DDX50: variants seen among roughly 807,000 people sequenced by gnomAD.
DDX50 encodes ATP-dependent RNA helicase DDX50.
Under a neutral mutation model 94.8 loss-of-function variants are expected in DDX50, and 56 were observed. The ratio of observed to expected loss-of-function variants is 0.59; its 90% CI spans 0.48 to 0.74. The LOEUF is 0.74. Among genes scored for constraint, DDX50 ranks in the 30% least tolerant of loss-of-function variants. The pLI, the probability that DDX50 is intolerant of heterozygous loss-of-function variation, is 0.00. For synonymous variants in DDX50, 264 were observed against 295.4 expected, an observed-to-expected ratio of 0.89 and a Z score of 1.09; for missense variants, 713 against 881.2, an observed-to-expected ratio of 0.81 and a Z score of 2.42.
At chr10:68,914,386 GA>G (rs1011212180) in intron 7 of DDX50, among the ~76,000 whole-genome samples, 182 bp downstream of exon 7, 5 of 151,954 alleles carry the variant, frequency 3.3e-5, no homozygotes, top group South Asian at 4.2e-4. Context: ...TAAATAGGGG[GA>G]AAAAAAGCAC....
At chr10:68,926,671 G>A (rs75832254) in intron 8 of DDX50, among the ~76,000 whole-genome samples, 8,725 of 151,914 alleles carry the variant, frequency 0.057, 308 homozygotes, top group Middle Eastern at 0.11. Flanking sequence ...TCAGGAGGTT[G>A]GGGCGGGAGA....
chr10:68,931,432 A>C (rs7901664), intron 8 of DDX50, among the ~76,000 whole-genome samples: 15,715 of 61,652 alleles, frequency 0.25, 2,362 homozygotes, highest in Middle Eastern at 0.31. Context: ...TATATACACA[A>C]ACACACACAC....
intron 8 of DDX50, among the ~76,000 whole-genome samples, chr10:68,921,225 ATATT>A (rs1274775816): frequency 6.6e-6 from 1 of 152,042 alleles, no homozygotes; most frequent in African/African-American, 2.4e-5. Context: ...TAAAAAATTA[ATATT>A]TAGAAATATT....
chr10:68,919,918 T>TA lies in DDX50; in HGVS notation c.1177dup (p.Ile393AsnfsTer5). On this transcript the variant is annotated frameshift_variant, in exon 8 of 15. Transcript: ENST00000373585. LOFTEE classifies it high-confidence loss of function. ...TCTACAGTGGGTCTGAAGGGAGGGCTATTATTTTCTGTGAGACCAAGAAGA... is the reference window on the plus strand; with the variant it reads ...TCTACAGTGGGTCTGAAGGGAGGGCTAATTATTTTCTGTGAGACCAAGAAGA... 2 of 1,614,190 alleles carry TA rather than the reference T, an allele frequency of 1.2e-6. No individual in the cohort carries two copies. The highest frequency in any genetic ancestry group is 1.7e-6 in the Non-Finnish European group (2 of 1,180,000).
intron 8 of DDX50, 113 bp downstream of exon 8, chr10:68,920,094 G>A (rs1841901487): frequency 1.5e-6 from 2 of 1,326,296 alleles, no homozygotes; most frequent in Non-Finnish European, 2.1e-6. Flanking sequence ...AAACTGAGTT[G>A]TAAGGCTGGG....
chr10:68,932,981 G>A (rs1842309616), intron 8 of DDX50, among the ~76,000 whole-genome samples: 1 of 151,748 alleles, frequency 6.6e-6, no homozygotes, highest in South Asian at 2.1e-4. Context: ...TTCTAGATAT[G>A]TATCCTACTG....
intron 1 of DDX50, among the ~76,000 whole-genome samples, chr10:68,905,411 C>G (rs1010592769): frequency 2.7e-5 from 4 of 150,180 alleles, no homozygotes; most frequent in African/African-American, 4.9e-5. Flanking sequence ...AATTGGACTT[C>G]TATATGAATT....
chr10:68,936,831 G>T, intron 11 of DDX50, 105 bp from the exon 12 acceptor site: 1 of 1,176,566 alleles, frequency 8.5e-7, no homozygotes, highest in Non-Finnish European at 1.2e-6. Context: ...ACAGAGCAAG[G>T]CTCTATCTCA....
chr10:68,910,424 ACAGAG>A (rs1452351980), intron 3 of DDX50, 42 bp downstream of exon 3: 1 of 1,533,390 alleles, frequency 6.5e-7, no homozygotes, highest in Non-Finnish European at 8.9e-7. Context: ...TTGTTTTGAG[ACAGAG>A]CCTCGCTCTG....
At chr10:68,903,434 G>A (rs1197943345) in intron 1 of DDX50, among the ~76,000 whole-genome samples, 1 of 152,024 alleles carries the variant, frequency 6.6e-6, no homozygotes, top group Non-Finnish European at 1.5e-5. Flanking sequence ...TTGGGAGGCT[G>A]AGGCGGGTGG....
Position 68,929,175 on chromosome 10 carries a change from G to T in DDX50, c.1240-5024G>T, listed in dbSNP as rs1229424972. On this transcript the variant is annotated intron_variant, in intron 8 of 14. Coordinates refer to ENST00000373585, the MANE Select transcript of DDX50 (RefSeq NM_024045.2). ...TTGGCCAGGCTGGTCTGGAACTCCT[G>T]ACCTCAAGCGGTCCACCCACCTCCG... is the stretch of plus-strand genomic sequence containing the variant. Among the ~76,000 whole-genome samples the T allele has an allele frequency of 3.9e-5, 6 of 151,968 alleles. No individual in the cohort carries two copies. In the East Asian group the frequency reaches 1.2e-3, roughly 29 times the overall value.
In DDX50 at chr10:68,918,587, G is replaced by T. The variant is rs377211519; in HGVS notation, c.1090-1245G>T. 5.3e-5 allele frequency among the ~76,000 whole-genome samples: 8 copies of T among 151,434 alleles called. No individual in the cohort carries two copies. The East Asian group carries it at 1.2e-3, about 22-fold the overall frequency. On this transcript the variant is annotated intron_variant, in intron 7 of 14. Transcript: ENST00000373585. ...AGTAGCTGGGACTACAGGTGCCCAT[G>T]ACTAAGTTTTTGTATTTTTAGTAGA...
chr10:68,901,715 G>A (rs530103814), intron 1 of DDX50, among the ~76,000 whole-genome samples: 2 of 152,324 alleles, frequency 1.3e-5, no homozygotes, highest in South Asian at 4.1e-4. Flanking sequence ...CTTCCCGTTG[G>A]CGCCTGAATC....
In DDX50 at chr10:68,906,861, A is replaced by G. The variant is rs2132021228; in HGVS notation, c.238A>G (p.Arg80Gly). ...TGGAGACACTGAAGAAGGATTTAAT[A>G]GACTTTCAGATGAATTCTCCAAATC... ...LNGDTEEGFN[R>G]LSDEFSKSHK... Residue 80 changes from arginine to glycine, a missense_variant, in exon 2 of 15, where the codon AGA (arginine) becomes GGA (glycine). Transcript: ENST00000373585. The G allele has an allele frequency of 6.2e-7, 1 of 1,613,200 alleles. No homozygotes were observed. The highest frequency in any genetic ancestry group is 8.5e-7 in the Non-Finnish European group (1 of 1,179,886).
rs370604406 is a variant in DDX50 at position 68,946,420 on chromosome 10, T to C, written c.2004T>C (p.Tyr668=). 8 of 1,614,138 alleles carry C rather than the reference T, an allele frequency of 5.0e-6. No individual in the cohort carries two copies. Among genetic ancestry groups the C allele is most frequent in the Non-Finnish European group, 6.8e-6 (8 of 1,180,062 alleles). ...PAKLPEIEEY[Y]DGNTSSNSRQ... ...AATTACCTGAAATTGAAGAATATTA[T>C]GATGGAAACACATCTTCTAATTCCA... The change falls in exon 15 of 15, where the codon TAT becomes TAC. Residue 668 remains tyrosine, a synonymous_variant. Coordinates refer to ENST00000373585, the MANE Select transcript of DDX50 (RefSeq NM_024045.2).
At position 68,906,706 on chromosome 10, in the gene DDX50, C is replaced by G. The variant is rs1435657269; in HGVS notation, c.88-5C>G. On this transcript the variant is annotated splice_region_variant and splice_polypyrimidine_tract_variant and intron_variant, in intron 1 of 14. Coordinates refer to ENST00000373585, the MANE Select transcript of DDX50 (RefSeq NM_024045.2). ...TCTTGTCATTGCTTCTTTGTTTGTT[C>G]ACAGAGTGACAGAAGGAAGTCAAGG... is the stretch of plus-strand genomic sequence containing the variant. 6.2e-7 allele frequency: 1 copy of G among 1,601,752 alleles called. No homozygotes were observed. The highest frequency in any genetic ancestry group is 1.7e-4 in the Middle Eastern group (1 of 6,024).
At chr10:68,915,209 C>T (rs1048471517) in intron 7 of DDX50, among the ~76,000 whole-genome samples, 3 of 151,266 alleles carry the variant, frequency 2.0e-5, no homozygotes, top group Admixed American at 6.6e-5. Flanking sequence ...GTCAGGAGAT[C>T]GAGACCATCC....
At chr10:68,911,329 C>A (rs1181839444) in intron 4 of DDX50, 83 bp downstream of exon 4, 7 of 1,366,898 alleles carry the variant, frequency 5.1e-6, no homozygotes, top group East Asian at 2.4e-5. Flanking sequence ...AGTTCTAGTA[C>A]CCCCAAAATA....
Position 68,931,432 on chromosome 10 carries a change from A to ACACACACACACACACACACACAC in DDX50, c.1240-2767_1240-2766insCACACACACACACACACACACAC, listed in dbSNP as rs1261998646. Among the ~76,000 whole-genome samples the ACACACACACACACACACACACAC allele has an allele frequency of 5.5e-4, 34 of 61,492 alleles. 1 individual carries two copies. The highest frequency in any genetic ancestry group is 2.3e-3 in the African/African-American group (33 of 14,362). 40.3% of individuals were successfully genotyped at this position (61,492 alleles called of 152,430 possible). A position where few individuals can be genotyped will look rare whatever the true frequency, so the allele number is the denominator to read the frequency against. ...ATATGTATATATATATATATACACA[A>ACACACACACACACACACACACAC]ACACACACACACACAATTTTTTTTT... On this transcript the variant is annotated intron_variant, in intron 8 of 14. Transcript: ENST00000373585.
Sources: gnomAD v4.1 joint callset for allele counts (sites outside exome capture counted in the v4.1 genomes callset) on GRCh38, gnomAD v4.1.1 for gene constraint, MANE v1.5 for transcripts, NCBI Gene and HGNC (gene_info 2026-07-23, HGNC 2026-07-21) for gene names.